The following GPR26 variants were observed in gnomAD, a reference collection of about 807,000 sequenced individuals.
The protein encoded by GPR26 is G protein-coupled receptor 26.
GPR26 carries 15 observed loss-of-function variants against 23.1 expected under a neutral mutation model. The ratio of observed to expected loss-of-function variants is 0.65; its 90% CI spans 0.43 to 1.00. The LOEUF is 1.00. Among genes scored for constraint, GPR26 ranks in the 50% least tolerant of loss-of-function variants. The pLI is 0.00. For missense variants in GPR26, 359 were observed against 470.5 expected, an observed-to-expected ratio of 0.76 and a Z score of 2.19; for synonymous variants, 228 against 222.1, an observed-to-expected ratio of 1.03 and a Z score of -0.24.
chr10:123,679,099 A>G (rs369898373), intron 2 of GPR26, among the ~76,000 whole-genome samples: 7 of 152,334 alleles, frequency 4.6e-5, no homozygotes, highest in African/African-American at 1.7e-4. Flanking sequence ...TGTAGACATC[A>G]CCAGTCTCAG....
intron 1 of GPR26, among the ~76,000 whole-genome samples, chr10:123,669,783 C>T (rs1845230667): frequency 6.6e-6 from 1 of 152,208 alleles, no homozygotes; most frequent in Non-Finnish European, 1.5e-5. Context: ...ACCCGGGACC[C>T]TCTCTTCTTA....
chr10:123,666,374 T>G lies in GPR26; in HGVS notation c.-34T>G. 7.6e-7 allele frequency: 1 copy of G among 1,321,346 alleles called. No homozygotes were observed. Among genetic ancestry groups the G allele is most frequent in the Non-Finnish European group, 9.6e-7 (1 of 1,038,110 alleles). 81.9% of individuals were successfully genotyped at this position (1,321,346 alleles called of 1,614,324 possible). On this transcript the variant is annotated 5_prime_UTR_variant, in exon 1 of 3. Transcript: ENST00000284674. Reference sequence around the variant, plus strand: ...GGGCAGCGCCATGGCGGCGCCGGGTTGCGGACCCTGAGCGCCGGCGCGGGG... The same window carrying G: ...GGGCAGCGCCATGGCGGCGCCGGGTGGCGGACCCTGAGCGCCGGCGCGGGG...
In GPR26 at chr10:123,688,215, G is replaced by A. The variant is rs1028713305; in HGVS notation, c.*55G>A. On this transcript the variant is annotated 3_prime_UTR_variant, in exon 3 of 3. Coordinates refer to ENST00000284674, the MANE Select transcript of GPR26 (RefSeq NM_153442.4). ...ATGAGGCAGCGGTGAGAAGAAGGGT[G>A]GGAGGGCGTGGGGGCCCCTGGGTGG... 6.0e-6 allele frequency: 6 copies of A among 995,046 alleles called. No individual in the cohort carries two copies. The African/African-American group carries it at 7.9e-5, about 13-fold the overall frequency. 61.6% of individuals were successfully genotyped at this position (995,046 alleles called of 1,614,324 possible). A position where few individuals can be genotyped will look rare whatever the true frequency, so the allele number is the denominator to read the frequency against.
intron 1 of GPR26, among the ~76,000 whole-genome samples, chr10:123,667,903 G>A (rs1039968757): frequency 1.3e-5 from 2 of 152,192 alleles, no homozygotes; most frequent in African/African-American, 2.4e-5. Context: ...TAGCTGCGCT[G>A]TCCTGAGCTC....
In GPR26 at chr10:123,674,339, G is replaced by T. The variant is rs1845283250; in HGVS notation, c.669-479G>T. 1.3e-5 allele frequency among the ~76,000 whole-genome samples: 2 copies of T among 152,308 alleles called. No individual in the cohort carries two copies. The highest frequency in any genetic ancestry group is 1.3e-4 in the Admixed American group (2 of 15,302). On this transcript the variant is annotated intron_variant, in intron 1 of 2. Coordinates refer to ENST00000284674, the MANE Select transcript of GPR26 (RefSeq NM_153442.4). This position sits in a 1 kb window ranked among gnomAD's most constrained non-coding sequence, Gnocchi z 4.1. The stretch of plus-strand genomic sequence containing the variant: ...AACACACCTGCCAGGATTAACTGTG[G>T]TAAAGAGAAGAATCTGAGATACTAC...
chr10:123,668,434 T>C (rs930086348), intron 1 of GPR26, among the ~76,000 whole-genome samples: 2 of 152,160 alleles, frequency 1.3e-5, no homozygotes, highest in African/African-American at 2.4e-5. Context: ...TGAGAGCACA[T>C]AGATACCAGG....
intron 2 of GPR26, among the ~76,000 whole-genome samples, chr10:123,679,821 C>G (rs1845349387): frequency 6.6e-6 from 1 of 152,062 alleles, no homozygotes; most frequent in South Asian, 2.1e-4. Flanking sequence ...CTCCCAAACC[C>G]CTTCCCCAGG....
intron 1 of GPR26, among the ~76,000 whole-genome samples, 171 bp downstream of exon 1, chr10:123,667,246 C>T (rs1845197907): frequency 6.6e-6 from 1 of 152,138 alleles, no homozygotes; most frequent in South Asian, 2.1e-4. Context: ...AGGGTATCAG[C>T]AAACCAGGGC....
At chr10:123,684,604 C>T (rs866017974) in intron 2 of GPR26, among the ~76,000 whole-genome samples, 3 of 152,344 alleles carry the variant, frequency 2.0e-5, no homozygotes, top group Admixed American at 6.5e-5. Flanking sequence ...CCCCGAGCTC[C>T]TGGTGGTTTG....
rs1322636370 is a variant in GPR26, at chr10:123,689,517, G to A, written c.*1357G>A. 1 of 152,184 alleles carries A rather than the reference G, an allele frequency of 6.6e-6. No individual in the cohort carries two copies. Among genetic ancestry groups the A allele is most frequent in the Non-Finnish European group, 1.5e-5 (1 of 68,044 alleles). 9.4% of individuals were successfully genotyped at this position (152,184 alleles called of 1,614,324 possible). A position where few individuals can be genotyped will look rare whatever the true frequency, so the allele number is the denominator to read the frequency against. ...TCAAATTGACTTGTGAATACTCAGA[G>A]CAGTTATTTTTCAATCCTCCACTCT... On this transcript the variant is annotated 3_prime_UTR_variant, in exon 3 of 3. Transcript: ENST00000284674.
chr10:123,673,650 G>A (rs1845275014), intron 1 of GPR26, among the ~76,000 whole-genome samples: 1 of 152,122 alleles, frequency 6.6e-6, no homozygotes, highest in Non-Finnish European at 1.5e-5. Flanking sequence ...CTTGGTCCCT[G>A]GAGGAACCAA....
At chr10:123,675,134 A>G (rs1269953416) in intron 2 of GPR26, among the ~76,000 whole-genome samples, 1 of 152,036 alleles carries the variant, frequency 6.6e-6, no homozygotes, top group Non-Finnish European at 1.5e-5. Flanking sequence ...TCAACTCAGA[A>G]CCCAAAGGGT....
At chr10:123,667,456 C>T (rs115035512) in intron 1 of GPR26, among the ~76,000 whole-genome samples, 4,421 of 152,148 alleles carry the variant, frequency 0.029, 206 homozygotes, top group African/African-American at 0.092. Context: ...GCCGAGAGGG[C>T]GGCCTCGATG....
chr10:123,684,460 G>A (rs1243368992), intron 2 of GPR26, among the ~76,000 whole-genome samples: 2 of 152,142 alleles, frequency 1.3e-5, no homozygotes, highest in Non-Finnish European at 2.9e-5. Context: ...GTTTGCTAGG[G>A]CTGCCGTAAC....
chr10:123,668,454 C>T (rs1386309374), intron 1 of GPR26, among the ~76,000 whole-genome samples: 1 of 152,192 alleles, frequency 6.6e-6, no homozygotes, highest in Admixed American at 6.5e-5. Flanking sequence ...GCCATGTAAA[C>T]GTGGGAGCTC....
rs1417673237 is a variant in GPR26 at position 123,691,469 on chromosome 10, C to T, written c.*3309C>T. On this transcript the variant is annotated 3_prime_UTR_variant, in exon 3 of 3. Transcript: ENST00000284674. ...AAAGAATGGGGCCAGGTTCATGTCC[C>T]AGTTGTCACCCTTTTACATGCTTGG... The T allele has an allele frequency of 2.0e-5, 3 of 152,160 alleles. No homozygotes were observed. Among genetic ancestry groups the T allele is most frequent in the African/African-American group, 7.2e-5 (3 of 41,420 alleles). 9.4% of individuals were successfully genotyped at this position (152,160 alleles called of 1,614,324 possible).
Position 123,690,459 on chromosome 10 carries a change from C to G in GPR26, c.*2299C>G, listed in dbSNP as rs1020867390. 6.6e-6 allele frequency: 1 copy of G among 152,186 alleles called. No homozygotes were observed. The highest frequency in any genetic ancestry group is 2.4e-5 in the African/African-American group (1 of 41,440). 9.4% of individuals were successfully genotyped at this position (152,186 alleles called of 1,614,324 possible). On this transcript the variant is annotated 3_prime_UTR_variant, in exon 3 of 3. Coordinates refer to ENST00000284674, the MANE Select transcript of GPR26 (RefSeq NM_153442.4). ...TACTGTATAGGCAACATGTTGTACT[C>G]CCAGTAGCAACTAGATCTCTTTTAC...
At chr10:123,687,465 A>G (rs1376461737) in intron 2 of GPR26, among the ~76,000 whole-genome samples, 1 of 152,148 alleles carries the variant, frequency 6.6e-6, no homozygotes, top group Non-Finnish European at 1.5e-5. Context: ...GATGCCCAGG[A>G]CCATATGACA....
chr10:123,668,248 C>T (rs1845210662), intron 1 of GPR26, among the ~76,000 whole-genome samples: 1 of 152,172 alleles, frequency 6.6e-6, no homozygotes, highest in Admixed American at 6.5e-5. Flanking sequence ...CTGAGTATTT[C>T]CTGCACGAGA....
Sources: allele counts gnomAD v4.1 joint callset (sites outside exome capture counted in the v4.1 genomes callset), GRCh38; gene constraint gnomAD v4.1.1; non-coding constraint Gnocchi (gnomAD v3.1); transcripts MANE v1.5; gene names NCBI Gene and HGNC (gene_info 2026-07-23, HGNC 2026-07-21).